SPTLC2: variants seen among roughly 807,000 people sequenced by gnomAD.
The protein encoded by SPTLC2 is serine palmitoyltransferase long chain base subunit 2, also known as serine palmitoyltransferase 2.
A neutral mutation model predicts 62.0 loss-of-function variants in SPTLC2; 21 were observed. The observed-to-expected ratio is 0.34, with a 90% CI of 0.24 to 0.49. SPTLC2 has a LOEUF of 0.49. SPTLC2 is among the 20% of genes least tolerant of loss of function. The pLI is 0.99. For synonymous variants in SPTLC2, 261 were observed against 261.8 expected (o/e 1.00, Z 0.03); for missense variants, 511 against 713.0 (o/e 0.72, Z 3.23).
At chr14:77,562,283 C>T (rs989935842) in intron 6 of SPTLC2, 113 bp downstream of exon 6, 11 of 918,258 alleles carry the variant, frequency 1.2e-5, no homozygotes, top group African/African-American at 8.1e-5. Context: ...TTAAATGTTG[C>T]TACTTTGTCT....
chr14:77,553,562 T>C (rs776373171), intron 8 of SPTLC2, among the ~76,000 whole-genome samples: 6 of 151,796 alleles, frequency 4.0e-5, no homozygotes, highest in Non-Finnish European at 8.8e-5. Context: ...AAACCCTGTC[T>C]CTACTAAAAA....
chr14:77,546,822 T>A (rs2079530775), intron 9 of SPTLC2, among the ~76,000 whole-genome samples: 1 of 151,988 alleles, frequency 6.6e-6, no homozygotes, highest in African/African-American at 2.4e-5. Context: ...CGCAACCTCC[T>A]GTGTTCAAGC....
chr14:77,545,147 G>C (rs781140647), intron 9 of SPTLC2, among the ~76,000 whole-genome samples: 1 of 152,032 alleles, frequency 6.6e-6, no homozygotes, highest in Non-Finnish European at 1.5e-5. Flanking sequence ...GTAGATAGCA[G>C]GGAGGTAGAT....
intron 9 of SPTLC2, among the ~76,000 whole-genome samples, chr14:77,546,870 C>T (rs1455109180): frequency 6.6e-6 from 1 of 152,184 alleles, no homozygotes; most frequent in Non-Finnish European, 1.5e-5. Flanking sequence ...GCTGAGATTA[C>T]AGGCATGCGC....
At chr14:77,597,477 AG>A in intron 1 of SPTLC2, 97 bp from the exon 2 acceptor site, 1 of 1,224,638 alleles carries the variant, frequency 8.2e-7, no homozygotes, top group Admixed American at 2.1e-5. Flanking sequence ...TTATACCTTA[AG>A]AATTTTCTAA....
chr14:77,527,432 T>C lies in SPTLC2; in HGVS notation c.1304-5851A>G, dbSNP rs2079414746. On this transcript the variant is annotated intron_variant, in intron 9 of 11. Coordinates refer to ENST00000216484, the MANE Select transcript of SPTLC2 (RefSeq NM_004863.4). ...AGGTTGAAGGAGCGCCACAATTATC[T>C]ACCTACTGATAACCACTAGATATTG... Among the ~76,000 whole-genome samples the C allele has an allele frequency of 2.0e-5, 3 of 152,176 alleles. 1 individual carries two copies. Among genetic ancestry groups the C allele is most frequent in the Admixed American group, 1.3e-4 (2 of 15,258 alleles).
intron 9 of SPTLC2, among the ~76,000 whole-genome samples, chr14:77,536,589 T>C (rs2079472226): frequency 6.6e-6 from 1 of 152,174 alleles, no homozygotes. Flanking sequence ...CAATACCCCT[T>C]TTCATCCTAG....
intron 11 of SPTLC2, among the ~76,000 whole-genome samples, chr14:77,512,747 G>T (rs149513797): frequency 5.3e-4 from 81 of 152,238 alleles, no homozygotes; most frequent in Non-Finnish European, 9.6e-4. Context: ...ATGGAGTATC[G>T]CTCTGTTGCT....
intron 2 of SPTLC2, among the ~76,000 whole-genome samples, chr14:77,592,970 G>A (rs1361995315): frequency 6.6e-6 from 1 of 152,004 alleles, no homozygotes; most frequent in East Asian, 1.9e-4. Context: ...GGGCGTGGTG[G>A]TGCATGACTG....
intron 2 of SPTLC2, among the ~76,000 whole-genome samples, chr14:77,585,912 G>A (rs748621473): frequency 1.3e-5 from 2 of 152,020 alleles, no homozygotes; most frequent in Non-Finnish European, 2.9e-5. Context: ...AACTCAAAAG[G>A]AGCATAGCCC....
chr14:77,557,242 C>T lies in SPTLC2; in HGVS notation c.851-96G>A, dbSNP rs1226813033. 2.4e-5 allele frequency: 26 copies of T among 1,090,176 alleles called. No individual in the cohort carries two copies. In the East Asian group the frequency reaches 5.2e-4, roughly 22 times the overall value. The allele number at this position is 1,090,176 out of a possible 1,614,324, so 67.5% of individuals were successfully genotyped here. ...ATATATTTCTCATTCAGAAACCATG[C>T]CTCAGATAGCAAAGGACATAATTAG... On this transcript the variant is annotated intron_variant, in intron 6 of 11. Coordinates refer to ENST00000216484, the MANE Select transcript of SPTLC2 (RefSeq NM_004863.4).
intron 4 of SPTLC2, among the ~76,000 whole-genome samples, chr14:77,571,508 C>CAAAAAAA (rs71128649): frequency 7.5e-6 from 1 of 133,412 alleles, no homozygotes; most frequent in African/African-American, 2.9e-5. Flanking sequence ...GACTCTGACT[C>CAAAAAAA]AAAAAAAAAA....
intron 9 of SPTLC2, among the ~76,000 whole-genome samples, chr14:77,528,513 G>T (rs1320661776): frequency 6.6e-6 from 1 of 152,180 alleles, no homozygotes; most frequent in African/African-American, 2.4e-5. Flanking sequence ...TTACAGGCAT[G>T]AGGCACTGCG....
intron 8 of SPTLC2, chr14:77,554,637 T>G (rs10136825): frequency 1.0e-4 from 16 of 153,982 alleles, no homozygotes; most frequent in African/African-American, 3.9e-4. Context: ...TCCATTTTAC[T>G]GACAAGGAAA....
intron 11 of SPTLC2, among the ~76,000 whole-genome samples, chr14:77,515,358 C>T (rs1322064639): frequency 2.0e-5 from 3 of 152,222 alleles, no homozygotes; most frequent in Admixed American, 6.5e-5. Flanking sequence ...ATGCTGAACA[C>T]AGGATCTGTA....
In SPTLC2 at chr14:77,576,869, T is replaced by C. The variant is rs1131691917; in HGVS notation, c.529A>G (p.Asn177Asp). 1 of 1,614,216 alleles carries C rather than the reference T, an allele frequency of 6.2e-7. No individual in the cohort carries two copies. The highest frequency in any genetic ancestry group is 2.2e-5 in the East Asian group (1 of 44,878). ...IKGVINMGSY[N>D]YLGFARNTGS... ...GTATTCCGTGCAAATCCAAGATAGT[T>C]GTAGGAACCCATGTTTATAACACCC... Residue 177 changes from asparagine to aspartate, a missense_variant, in exon 4 of 12, where the codon AAC becomes GAC. Physicochemically the swap from Asn to Asp is conservative, Grantham distance 23. Coordinates refer to ENST00000216484, the MANE Select transcript of SPTLC2 (RefSeq NM_004863.4).
rs887301757 is a variant in SPTLC2, at chr14:77,588,648, A to T, written c.327+8538T>A. ...GAGGCAAAGGTTGCAGCGAGCTGAGATTGTGCCACTGCACTCAACCCTGGG... is the reference window on the plus strand; with the variant it reads ...GAGGCAAAGGTTGCAGCGAGCTGAGTTTGTGCCACTGCACTCAACCCTGGG... On this transcript the variant is annotated intron_variant, in intron 2 of 11. Coordinates refer to ENST00000216484, the MANE Select transcript of SPTLC2 (RefSeq NM_004863.4). Among the ~76,000 whole-genome samples the T allele has an allele frequency of 5.3e-5, 8 of 151,664 alleles. 1 individual carries two copies. Among genetic ancestry groups the T allele is most frequent in the African/African-American group, 1.9e-4 (8 of 41,234 alleles).
At chr14:77,599,146 A>C (rs955345252) in intron 1 of SPTLC2, among the ~76,000 whole-genome samples, 1 of 152,198 alleles carries the variant, frequency 6.6e-6, no homozygotes, top group Non-Finnish European at 1.5e-5. Context: ...CATAGATGAA[A>C]ACTTTTTGCT....
At chr14:77,516,283 G>A (rs550936594) in intron 11 of SPTLC2, among the ~76,000 whole-genome samples, 1 of 152,108 alleles carries the variant, frequency 6.6e-6, no homozygotes, top group Non-Finnish European at 1.5e-5. Context: ...AAACATACTT[G>A]TTGGCAACAG....
Sources: allele counts gnomAD v4.1 joint callset (sites outside exome capture counted in the v4.1 genomes callset), GRCh38; gene constraint gnomAD v4.1.1; transcripts MANE v1.5; gene names NCBI Gene and HGNC (gene_info 2026-07-23, HGNC 2026-07-21).